Variants in PRH1 observed in about 807,000 individuals in gnomAD.
The protein encoded by PRH1 is salivary acidic proline-rich phosphoprotein 1/2.
In PRH1, 7 loss-of-function variants were observed where a neutral mutation model predicts 7.9. The ratio of observed to expected loss-of-function variants is 0.89; its 90% CI spans 0.50 to 1.67. The LOEUF is 1.67. Ranked by LOEUF, PRH1 falls within the 40% of genes most tolerant of loss-of-function variation. The probability of loss-of-function intolerance (pLI) is 0.00; values close to 1 mark genes in which losing one functional copy is unlikely to be tolerated. For missense variants in PRH1, 109 were observed against 223.6 expected, an observed-to-expected ratio of 0.49 and a Z score of 3.27; for synonymous variants, 45 against 80.8, an observed-to-expected ratio of 0.56 and a Z score of 2.38.
At chr12:11,027,174 G>A (rs3983358) in intron 1 of PRH1, among the ~76,000 whole-genome samples, 146,734 of 149,556 alleles carry the variant, frequency 0.98, 72,028 homozygotes, top group Middle Eastern at 1. Context: ...CAGAGGTGGG[G>A]GAATCACTTG....
chr12:10,987,265 TGTTA>T (rs1939696006), intron 1 of PRH1, among the ~76,000 whole-genome samples: 1 of 152,180 alleles, frequency 6.6e-6, no homozygotes, highest in Non-Finnish European at 1.5e-5. Context: ...CAACTTCAGC[TGTTA>T]GATAGGGAAA....
intron 2 of PRH1, among the ~76,000 whole-genome samples, chr12:10,955,802 C>G (rs1381677220): frequency 1.3e-5 from 2 of 152,164 alleles, no homozygotes; most frequent in African/African-American, 2.4e-5. Flanking sequence ...GTCAACACCT[C>G]TATGCCCACA....
Position 10,893,905 on chromosome 12 carries a change from T to C in PRH1, c.-58-9630A>G, listed in dbSNP as rs138119493. ...TATTACTGTTACCTTAAACTTGCGATTGTGTTCTTTTATTTAACCTGCTAT... is the reference window on the plus strand; with the variant it reads ...TATTACTGTTACCTTAAACTTGCGACTGTGTTCTTTTATTTAACCTGCTAT... On this transcript the variant is annotated intron_variant, in intron 2 of 3. Transcript: ENST00000539853. Among the ~76,000 whole-genome samples, 4 of 152,270 alleles carry C rather than the reference T, an allele frequency of 2.6e-5. No homozygotes were observed. The East Asian group carries it at 7.7e-4, about 29-fold the overall frequency.
chr12:11,028,906 T>C (rs1013433623), intron 1 of PRH1, among the ~76,000 whole-genome samples: 4 of 152,390 alleles, frequency 2.6e-5, no homozygotes, highest in Admixed American at 2.6e-4. Flanking sequence ...ACAGGGGAAT[T>C]CATGCAACTG....
At chr12:10,908,981 A>C (rs1162970517) in intron 2 of PRH1, 1 of 1,613,680 alleles carries the variant, frequency 6.2e-7, no homozygotes, top group Non-Finnish European at 8.5e-7. Context: ...TGAGCAAATA[A>C]AAGATGCTGA....
intron 2 of PRH1, among the ~76,000 whole-genome samples, chr12:10,919,739 A>T (rs1027417748): frequency 2.6e-5 from 4 of 151,932 alleles, no homozygotes; most frequent in African/African-American, 9.7e-5. Context: ...TGATAAGAAT[A>T]AACAATCTGG....
rs549996695 is a variant in PRH1 at position 11,082,408 on chromosome 12, G to A, written n.124-35220C>T. 4.4e-5 allele frequency among the ~76,000 whole-genome samples: 5 copies of A among 113,788 alleles called. 1 individual carries two copies. Among genetic ancestry groups the A allele is most frequent in the African/African-American group, 1.2e-4 (4 of 33,986 alleles). The allele number at this position is 113,788 out of a possible 152,430, so 74.6% of individuals were successfully genotyped here. On this transcript the variant is annotated intron_variant and non_coding_transcript_variant, in intron 1 of 4. Transcript: ENST00000541977. Reference sequence around the variant, plus strand: ...CAACAGCTGCCTCCCTGGTTCAATCGATTCTCCTGCCTCAGCCTCCCAAGT... The same window carrying A: ...CAACAGCTGCCTCCCTGGTTCAATCAATTCTCCTGCCTCAGCCTCCCAAGT...
chr12:11,131,394 C>A (rs1946335793), intron 1 of PRH1, among the ~76,000 whole-genome samples: 1 of 152,158 alleles, frequency 6.6e-6, no homozygotes, highest in Non-Finnish European at 1.5e-5. Context: ...CATGTCCCTG[C>A]CATTTTTGTC....
intron 1 of PRH1, chr12:10,986,547 A>T: frequency 6.2e-7 from 1 of 1,614,118 alleles, no homozygotes; most frequent in Non-Finnish European, 8.5e-7. Context: ...GAGCAAATAA[A>T]ATATGCTGAG....
chr12:10,921,725 A>G (rs995312742), intron 2 of PRH1, among the ~76,000 whole-genome samples: 19 of 152,062 alleles, frequency 1.2e-4, no homozygotes, highest in Non-Finnish European at 1.9e-4. Context: ...TGCTGAGTCT[A>G]TGACTTGGGA....
chr12:11,057,720 C>T (rs956036272), intron 1 of PRH1, among the ~76,000 whole-genome samples: 10 of 152,150 alleles, frequency 6.6e-5, no homozygotes, highest in Admixed American at 6.5e-4. Context: ...CTCACAAATG[C>T]TTTCTAGGAT....
chr12:11,019,760 T>C (rs1941499601), intron 1 of PRH1, among the ~76,000 whole-genome samples: 1 of 152,294 alleles, frequency 6.6e-6, no homozygotes, highest in Non-Finnish European at 1.5e-5. Flanking sequence ...TTACTTCTTT[T>C]GTATCAGCAA....
At chr12:10,957,083 GA>G (rs369633787) in intron 2 of PRH1, among the ~76,000 whole-genome samples, 7,934 of 139,002 alleles carry the variant, frequency 0.057, 434 homozygotes, top group African/African-American at 0.15. Flanking sequence ...CACTGGGAAT[GA>G]AAAAAAAAAA....
At chr12:10,965,337 G>T in intron 2 of PRH1, 2 of 1,224,788 alleles carry the variant, frequency 1.6e-6, no homozygotes, top group South Asian at 1.2e-5. Flanking sequence ...AAAATGATGG[G>T]TAGAAAAGTT....
intron 1 of PRH1, among the ~76,000 whole-genome samples, chr12:11,168,282 AAG>A (rs1947671011): frequency 3.9e-5 from 2 of 51,690 alleles, no homozygotes; most frequent in African/African-American, 1.2e-4. Context: ...GAAAGAAAGA[AAG>A]AAAGAAAGAA....
chr12:11,003,706 T>G (rs1251134768), intron 1 of PRH1, among the ~76,000 whole-genome samples: 2 of 152,016 alleles, frequency 1.3e-5, no homozygotes, highest in African/African-American at 4.8e-5. Context: ...ATTATAAGAA[T>G]TTATTTGCAA....
At chr12:11,138,806 A>C (rs575104269) in intron 1 of PRH1, among the ~76,000 whole-genome samples, 6 of 117,494 alleles carry the variant, frequency 5.1e-5, no homozygotes, top group African/African-American at 1.4e-4. Context: ...TAGGAGGCTG[A>C]GGCAGGTGGA....
intron 1 of PRH1, among the ~76,000 whole-genome samples, chr12:11,170,596 C>T (rs151068723): frequency 5.4e-4 from 83 of 152,308 alleles, no homozygotes; most frequent in African/African-American, 1.9e-3. Flanking sequence ...AGTATTCCAG[C>T]TCTTGGAGCC....
At chr12:11,171,340 G>C (rs7488095) in intron 1 of PRH1, 703,466 of 1,229,288 alleles carry the variant, frequency 0.57, 205,993 homozygotes, top group East Asian at 0.75. Flanking sequence ...CGCTGGGCGG[G>C]CGGCGACACC....
Sources: gnomAD v4.1 joint callset for allele counts (sites outside exome capture counted in the v4.1 genomes callset) on GRCh38, gnomAD v4.1.1 for gene constraint, MANE v1.5 for transcripts, NCBI Gene and HGNC (gene_info 2026-07-23, HGNC 2026-07-21) for gene names.